The following NAV2 variants were observed in gnomAD, a reference collection of about 807,000 sequenced individuals.
NAV2 encodes helicase, APC down-regulated 1.
NAV2 carries 54 observed loss-of-function variants against 223.2 expected under a neutral mutation model. The observed-to-expected ratio is 0.24, with a 90% CI of 0.19 to 0.30. The LOEUF is 0.30. Ranked by LOEUF, NAV2 falls within the 10% of genes least tolerant of loss-of-function variation. The pLI is 1.00. For synonymous variants in NAV2, 1,279 were observed against 1,239.3 expected (o/e 1.03, Z -0.67); for missense variants, 2,806 against 3,147.5 (o/e 0.89, Z 2.60).
At chr11:19,649,612 A>G (rs1351208884) in intron 1 of NAV2, among the ~76,000 whole-genome samples, 1 of 152,186 alleles carries the variant, frequency 6.6e-6, no homozygotes, top group African/African-American at 2.4e-5. Flanking sequence ...GATCCCACTC[A>G]CAAGGGCTCT....
At position 20,048,720 on chromosome 11, in the gene NAV2, C is replaced by T. The variant is rs202128527; in HGVS notation, c.3903-8C>T. The T allele has an allele frequency of 9.2e-5, 149 of 1,612,802 alleles. No homozygotes were observed. The East Asian group carries it at 3.3e-3, about 36-fold the overall frequency. ...GTTCAACCTACACAACCCTTTGTCT[C>T]TTCACAGACTCTTTGGTGGGAAGCC... On this transcript the variant is annotated splice_polypyrimidine_tract_variant and splice_region_variant and intron_variant, in intron 14 of 37. Coordinates refer to ENST00000349880, the MANE Select transcript of NAV2 (RefSeq NM_145117.5).
chr11:19,709,993 T>G (rs532954198), upstream of NAV2, among the ~76,000 whole-genome samples: 23 of 152,304 alleles, frequency 1.5e-4, no homozygotes, highest in South Asian at 4.8e-3. Context: ...ATGCTCATGT[T>G]TACCAATCCT....
chr11:19,568,717 G>A (rs902352952), intron 1 of NAV2, among the ~76,000 whole-genome samples: 2 of 152,148 alleles, frequency 1.3e-5, no homozygotes, highest in African/African-American at 4.8e-5. Context: ...CTTGCCCAAG[G>A]TCTTAGTTAC....
At chr11:20,062,509 A>G (rs2058770013) in intron 20 of NAV2, 150 bp downstream of exon 20, 1 of 641,756 alleles carries the variant, frequency 1.6e-6, no homozygotes, top group Non-Finnish European at 2.6e-6. Context: ...TTTAAAATTC[A>G]CAAACAGCTA....
intron 22 of NAV2, among the ~76,000 whole-genome samples, chr11:20,071,129 T>C (rs2059383471): frequency 1.7e-5 from 1 of 59,350 alleles, no homozygotes; most frequent in East Asian, 1.1e-3. Flanking sequence ...CGACAGGCCC[T>C]GGTGTCTGAT....
At chr11:19,454,881 T>A (rs1026991560) in intron 1 of NAV2, among the ~76,000 whole-genome samples, 2 of 152,194 alleles carry the variant, frequency 1.3e-5, no homozygotes, top group African/African-American at 4.8e-5. Flanking sequence ...AAACTTTGTG[T>A]CTTCAGGGAG....
chr11:19,870,188 G>A (rs1487986801), intron 4 of NAV2, among the ~76,000 whole-genome samples: 2 of 152,170 alleles, frequency 1.3e-5, no homozygotes, highest in Admixed American at 6.5e-5. Context: ...CCCAGCCCTG[G>A]GGTACGGACC....
rs533506825 is a variant in NAV2 at position 19,988,851 on chromosome 11, CATATGGA to C, written c.2768+4606_2768+4612del. Among the ~76,000 whole-genome samples, 341 of 152,310 alleles carry C rather than the reference CATATGGA, an allele frequency of 2.2e-3. 2 individuals carry two copies. In the Middle Eastern group the frequency reaches 0.034, roughly 15 times the overall value. The stretch of plus-strand genomic sequence containing the variant: ...CAGGACACTGCTTGGCTTTGTGATT[CATATGGA>C]ACAAAGCAGGCCTCCTGGCACCAAG... On this transcript the variant is annotated intron_variant, in intron 11 of 37. Coordinates refer to ENST00000349880, the MANE Select transcript of NAV2 (RefSeq NM_145117.5).
chr11:19,637,424 C>T lies in NAV2; in HGVS notation c.76-195060C>T, dbSNP rs563089445. On this transcript the variant is annotated intron_variant, in intron 1 of 37. Coordinates refer to the NAV2 transcript ENST00000360655. Reference sequence around the variant, plus strand: ...ATGAATCCCTGACATATTTCTTCCACTCAACCCATCTTGCCAATGTTGACA... The same window carrying T: ...ATGAATCCCTGACATATTTCTTCCATTCAACCCATCTTGCCAATGTTGACA... Among the ~76,000 whole-genome samples the T allele has an allele frequency of 3.3e-5, 5 of 152,354 alleles. 1 individual carries two copies. The highest frequency in any genetic ancestry group is 1.2e-4 in the African/African-American group (5 of 41,578).
intron 1 of NAV2, among the ~76,000 whole-genome samples, chr11:19,353,597 A>G (rs1475673401): frequency 6.6e-6 from 1 of 152,194 alleles, no homozygotes; most frequent in Non-Finnish European, 1.5e-5. Flanking sequence ...ATTAAGATTA[A>G]ATGGAATGTA....
intron 1 of NAV2, among the ~76,000 whole-genome samples, chr11:19,411,643 G>A (rs1169791203): frequency 6.6e-6 from 1 of 152,180 alleles, no homozygotes; most frequent in Admixed American, 6.5e-5. Context: ...GGTGAGGAGA[G>A]GGCCAGAGAT....
chr11:20,113,992 C>T (rs943496185), intron 36 of NAV2, among the ~76,000 whole-genome samples: 1 of 152,190 alleles, frequency 6.6e-6, no homozygotes, highest in African/African-American at 2.4e-5. Flanking sequence ...GCCTGAGCAA[C>T]ATTGCAAAAC....
At chr11:19,990,775 T>C (rs1413308029) in intron 11 of NAV2, among the ~76,000 whole-genome samples, 2 of 152,178 alleles carry the variant, frequency 1.3e-5, no homozygotes, top group African/African-American at 4.8e-5. Flanking sequence ...AAAAGTTTGG[T>C]TTCTTAATCA....
At chr11:19,581,964 A>C (rs1424941138) in intron 1 of NAV2, among the ~76,000 whole-genome samples, 1 of 152,230 alleles carries the variant, frequency 6.6e-6, no homozygotes, top group Non-Finnish European at 1.5e-5. Flanking sequence ...TGGTTGAACT[A>C]GTTTACAGTC....
chr11:20,103,317 C>G lies in NAV2; in HGVS notation c.6480C>G (p.Asp2160Glu). The G allele has an allele frequency of 6.2e-7, 1 of 1,614,212 alleles. No homozygotes were observed. Among genetic ancestry groups the G allele is most frequent in the Non-Finnish European group, 8.5e-7 (1 of 1,180,014 alleles). The change falls in exon 33 of 38, where the codon GAC (aspartate) becomes GAG (glutamate). Residue 2160 changes from aspartate to glutamate, a missense_variant. Physicochemically the swap from Asp to Glu is conservative, Grantham distance 45. This residue lies in a region of NAV2 where 824 missense variants were observed against 1,069.4 expected (regional missense o/e 0.77). Transcript: ENST00000349880. ...GCAACAGTGAGAACAATGCTGTGGACATGCCCCTCGTCATCATCCTGGACA... is the reference window on the plus strand; with the variant it reads ...GCAACAGTGAGAACAATGCTGTGGAGATGCCCCTCGTCATCATCCTGGACA... ...DQCNSENNAV[D>E]MPLVIILDNL...
At chr11:19,483,844 T>C (rs2042355790) in intron 1 of NAV2, among the ~76,000 whole-genome samples, 1 of 152,124 alleles carries the variant, frequency 6.6e-6, no homozygotes, top group Non-Finnish European at 1.5e-5. Flanking sequence ...TGTTCTTGTC[T>C]TTCAGAAGAC....
intron 32 of NAV2, among the ~76,000 whole-genome samples, chr11:20,101,518 A>T (rs1284503736): frequency 1.3e-5 from 2 of 152,220 alleles, no homozygotes; most frequent in Non-Finnish European, 2.9e-5. Flanking sequence ...AAAAATAACA[A>T]TAATAAAAAT....
intron 10 of NAV2, among the ~76,000 whole-genome samples, chr11:19,957,571 C>G (rs989906327): frequency 1.3e-5 from 2 of 152,208 alleles, no homozygotes; most frequent in South Asian, 4.1e-4. Flanking sequence ...AACTGAACAC[C>G]TCTTCTCCCT....
rs757183666 is a variant in NAV2, at chr11:19,787,270, C to CTTTTTTTTTTTTTTTTT, written c.268-45202_268-45186dup. Reference sequence around the variant, plus strand: ...CATGCCTGGCTAATTTTTATTGGATCTTTTTTTTTTTTTTTTTTTTTTTTT... The same window carrying CTTTTTTTTTTTTTTTTT: ...CATGCCTGGCTAATTTTTATTGGATCTTTTTTTTTTTTTTTTTTTTTTTTTTTTTTTTTTTTTTTTTT... On this transcript the variant is annotated intron_variant, in intron 1 of 37. Coordinates refer to ENST00000349880, the MANE Select transcript of NAV2 (RefSeq NM_145117.5). Among the ~76,000 whole-genome samples, 5 of 55,008 alleles carry CTTTTTTTTTTTTTTTTT rather than the reference C, an allele frequency of 9.1e-5. 2 individuals carry two copies. The highest frequency in any genetic ancestry group is 1.2e-4 in the African/African-American group (2 of 16,140). The allele number at this position is 55,008 out of a possible 152,430, so 36.1% of individuals were successfully genotyped here. A position where few individuals can be genotyped will look rare whatever the true frequency, so the allele number is the denominator to read the frequency against.
Sources: allele counts gnomAD v4.1 joint callset (sites outside exome capture counted in the v4.1 genomes callset), GRCh38; gene constraint gnomAD v4.1.1; regional missense constraint gnomAD v4.1.1; transcripts MANE v1.5; gene names NCBI Gene and HGNC (gene_info 2026-07-23, HGNC 2026-07-21).